ABCA1: variants seen among roughly 807,000 people sequenced by gnomAD.
ABCA1 encodes the protein phospholipid-transporting ATPase ABCA1.
Under a neutral mutation model 262.5 loss-of-function variants are expected in ABCA1, and 133 were observed. The observed-to-expected ratio is 0.51, with a 90% CI of 0.44 to 0.59. The LOEUF is 0.59. Ranked by LOEUF, ABCA1 falls within the 20% of genes least tolerant of loss-of-function variation. ABCA1 has a pLI of 0.00. For missense variants in ABCA1, 2,452 were observed against 2,777.5 expected (o/e 0.88, Z 2.63); for synonymous variants, 1,022 against 1,043.5 (o/e 0.98, Z 0.40).
At chr9:104,893,757 C>A (rs756676888) in intron 2 of ABCA1, among the ~76,000 whole-genome samples, 3 of 152,108 alleles carry the variant, frequency 2.0e-5, no homozygotes, top group Non-Finnish European at 4.4e-5. Context: ...AGATGAGCAG[C>A]CAATTCTACC....
chr9:104,891,184 A>C (rs1028502219), intron 2 of ABCA1, among the ~76,000 whole-genome samples: 1 of 151,956 alleles, frequency 6.6e-6, no homozygotes, highest in South Asian at 2.1e-4. Flanking sequence ...TTATTTATTT[A>C]TTTGTTGTTT....
intron 1 of ABCA1, among the ~76,000 whole-genome samples, chr9:104,909,717 T>TCC (rs200889838): frequency 0.011 from 1,648 of 151,932 alleles, 13 homozygotes; most frequent in Non-Finnish European, 0.017. Context: ...GCACGTGTTC[T>TCC]CCCACCTCTT....
At chr9:104,914,198 C>A (rs1436220586) in intron 1 of ABCA1, among the ~76,000 whole-genome samples, 2 of 151,820 alleles carry the variant, frequency 1.3e-5, no homozygotes, top group Non-Finnish European at 2.9e-5. Context: ...TGAGCCTTGG[C>A]CAGACGCAGT....
chr9:104,786,047 C>T (rs1392293749), intron 48 of ABCA1, among the ~76,000 whole-genome samples: 1 of 152,096 alleles, frequency 6.6e-6, no homozygotes, highest in Non-Finnish European at 1.5e-5. Context: ...TAGCACAAAG[C>T]TAGGAGGTAG....
chr9:104,822,722 TG>T, intron 18 of ABCA1, 55 bp from the exon 19 acceptor site: 27 of 1,601,340 alleles, frequency 1.7e-5, no homozygotes, highest in Non-Finnish European at 2.3e-5. Flanking sequence ...AGGAGTGGAG[TG>T]TAAGGACACA....
chr9:104,855,907 C>A, intron 7 of ABCA1: 1 of 1,612,868 alleles, frequency 6.2e-7, no homozygotes. Flanking sequence ...CACGCACACA[C>A]AAAAGGAGAA....
chr9:104,924,218 CAA>C (rs1456145562), intron 1 of ABCA1, among the ~76,000 whole-genome samples: 2 of 152,138 alleles, frequency 1.3e-5, no homozygotes, highest in South Asian at 2.1e-4. Context: ...ATAAACAAAA[CAA>C]GTGTTCAGAA....
At chr9:104,853,327 A>G (rs898630333) in intron 7 of ABCA1, among the ~76,000 whole-genome samples, 1 of 152,238 alleles carries the variant, frequency 6.6e-6, no homozygotes, top group African/African-American at 2.4e-5. Context: ...TCAAGGACAG[A>G]GCCCAAACCT....
intron 7 of ABCA1, 30 bp downstream of exon 7, chr9:104,858,492 G>C (rs1276879984): frequency 6.2e-7 from 1 of 1,610,396 alleles, no homozygotes; most frequent in Admixed American, 1.7e-5. Context: ...ATTAGTGCTT[G>C]AAGTTTCTCC....
chr9:104,896,726 T>A (rs891512790), intron 2 of ABCA1, among the ~76,000 whole-genome samples: 7 of 115,486 alleles, frequency 6.1e-5, no homozygotes, highest in African/African-American at 2.6e-4. Flanking sequence ...TTTTTTTTTT[T>A]TTTTTTTTTT....
At chr9:104,872,416 C>G (rs1837700709) in intron 5 of ABCA1, among the ~76,000 whole-genome samples, 1 of 152,138 alleles carries the variant, frequency 6.6e-6, no homozygotes, top group Non-Finnish European at 1.5e-5. Flanking sequence ...TTGGAATAAG[C>G]AACATGGCAG....
rs1035030323 is a variant in ABCA1, at chr9:104,817,949, AC to A, written c.3463-546del. ...AGGTTGGGATGTAAATACATTAGGT[AC>A]CACTGGCTTCAACACACAAATAAAT... On this transcript the variant is annotated intron_variant, in intron 23 of 49. Coordinates refer to ENST00000374736, the MANE Select transcript of ABCA1 (RefSeq NM_005502.4). This position sits in a 1 kb window ranked among gnomAD's most constrained non-coding sequence, Gnocchi z 4.7. 2.6e-5 allele frequency among the ~76,000 whole-genome samples: 4 copies of A among 152,188 alleles called. No homozygotes were observed. Among genetic ancestry groups the A allele is most frequent in the Non-Finnish European group, 5.9e-5 (4 of 68,030 alleles).
chr9:104,861,526 G>A lies in ABCA1; in HGVS notation c.543+153C>T, dbSNP rs73504110. The stretch of plus-strand genomic sequence containing the variant: ...CTGGATGGTTTGGCAATTCCTGCCT[G>A]AATAGGGAAGTAAAATTAAGTGAAG... On this transcript the variant is annotated intron_variant, in intron 6 of 49. Transcript: ENST00000374736. The A allele has an allele frequency of 4.5e-6, 5 of 1,119,242 alleles. No homozygotes were observed. The Admixed American group carries it at 7.0e-5, about 16-fold the overall frequency. The allele number at this position is 1,119,242 out of a possible 1,614,324, so 69.3% of individuals were successfully genotyped here. A position where few individuals can be genotyped will look rare whatever the true frequency, so the allele number is the denominator to read the frequency against.
At chr9:104,796,532 G>C (rs577044042) in intron 37 of ABCA1, 108 bp from the exon 38 acceptor site, 7 of 812,860 alleles carry the variant, frequency 8.6e-6, no homozygotes, top group Admixed American at 8.0e-5. Context: ...ACATATTGGA[G>C]AGTAACTCTG....
intron 7 of ABCA1, among the ~76,000 whole-genome samples, chr9:104,851,448 A>G (rs967988137): frequency 6.6e-6 from 1 of 152,140 alleles, no homozygotes; most frequent in Non-Finnish European, 1.5e-5. Flanking sequence ...ATGCTGAACT[A>G]TCTCAATCAG....
At chr9:104,821,570 A>G in intron 19 of ABCA1, 64 bp from the exon 20 acceptor site, 3 of 1,595,094 alleles carry the variant, frequency 1.9e-6, no homozygotes, top group Non-Finnish European at 2.6e-6. Flanking sequence ...TAGATGCTCC[A>G]TTCAGTCTGC....
chr9:104,875,257 C>T lies in ABCA1; in HGVS notation c.421+7782G>A, dbSNP rs374736867. ...TCTCAGGAGGCTGAGGCAGGAGAAT[C>T]GCTTGAATCCAGGAGGCGGTGGTCG... On this transcript the variant is annotated intron_variant, in intron 5 of 49. Transcript: ENST00000374736. Among the ~76,000 whole-genome samples the T allele has an allele frequency of 4.2e-4, 64 of 151,090 alleles. 1 individual carries two copies. The highest frequency in any genetic ancestry group is 2.1e-3 in the East Asian group (11 of 5,144).
chr9:104,820,182 A>C lies in ABCA1; in HGVS notation c.2961-113T>G, dbSNP rs147818671. On this transcript the variant is annotated intron_variant, in intron 20 of 49. Coordinates refer to ENST00000374736, the MANE Select transcript of ABCA1 (RefSeq NM_005502.4). ...ATATTTTTCTCTCCCCGTGCTTTTT[A>C]AAATAACTTTATCAATTTCTGAAAA... 431 of 1,348,630 alleles carry C rather than the reference A, an allele frequency of 3.2e-4. 2 individuals are homozygous for C. The African/African-American group carries it at 5.5e-3, about 17-fold the overall frequency. The allele number at this position is 1,348,630 out of a possible 1,614,324, so 83.5% of individuals were successfully genotyped here.
intron 20 of ABCA1, among the ~76,000 whole-genome samples, chr9:104,820,763 C>T (rs972036945): frequency 9.2e-5 from 14 of 151,826 alleles, no homozygotes; most frequent in African/African-American, 1.2e-4. Context: ...AGGAGGGTGG[C>T]GGGGGAGAGG....
Sources: allele counts gnomAD v4.1 joint callset (sites outside exome capture counted in the v4.1 genomes callset), GRCh38; gene constraint gnomAD v4.1.1; non-coding constraint Gnocchi (gnomAD v3.1); transcripts MANE v1.5; gene names NCBI Gene and HGNC (gene_info 2026-07-23, HGNC 2026-07-21).